TAOK1: variants seen among roughly 807,000 people sequenced by gnomAD.
TAOK1 encodes serine/threonine-protein kinase TAO1.
Under a neutral mutation model 138.3 loss-of-function variants are expected in TAOK1, and 21 were observed. The ratio of observed to expected loss-of-function variants is 0.15; its 90% CI spans 0.11 to 0.22. The LOEUF is 0.22. Ranked by LOEUF, TAOK1 falls within the 10% of genes least tolerant of loss-of-function variation. The pLI is 1.00. For missense variants in TAOK1, 651 were observed against 1,227.7 expected, an observed-to-expected ratio of 0.53 and a Z score of 7.02; for synonymous variants, 361 against 398.4, an observed-to-expected ratio of 0.91 and a Z score of 1.12.
At chr17:29,485,337 A>G (rs1039252426) in intron 8 of TAOK1, among the ~76,000 whole-genome samples, 3 of 152,210 alleles carry the variant, frequency 2.0e-5, no homozygotes, top group Non-Finnish European at 4.4e-5. Context: ...AAAATAAATT[A>G]TTCATAGTTC....
chr17:29,502,658 G>A lies in TAOK1; in HGVS notation c.1273G>A (p.Val425Ile), dbSNP rs1051542843. The change falls in exon 13 of 20, where the codon GTA becomes ATA. Residue 425 changes from valine to isoleucine, a missense_variant. Physicochemically the swap from Val to Ile is conservative, Grantham distance 29 (BLOSUM62 3). Transcript: ENST00000261716. ...RASDPQSPPQVSRHKSHYRNR... is the reference protein window; with the variant it reads ...RASDPQSPPQISRHKSHYRNR... ...ATCAGATCCACAATCTCCACCCCAA[G>A]TATCTCGTCACAAATCACACTATCG... is the stretch of plus-strand genomic sequence containing the variant. The A allele has an allele frequency of 2.5e-6, 4 of 1,613,532 alleles. No individual in the cohort carries two copies. The African/African-American group carries it at 5.3e-5, about 22-fold the overall frequency.
intron 2 of TAOK1, among the ~76,000 whole-genome samples, chr17:29,453,500 C>T (rs926926019): frequency 6.6e-6 from 1 of 152,112 alleles, no homozygotes; most frequent in African/African-American, 2.4e-5. Flanking sequence ...ATCCTCTTGC[C>T]TTAGCCTCCT....
chr17:29,475,885 A>C, intron 4 of TAOK1, 114 bp downstream of exon 4: 1 of 758,746 alleles, frequency 1.3e-6, no homozygotes, highest in East Asian at 2.7e-5. Context: ...CTGAAATGTT[A>C]GTTCGTACTG....
chr17:29,463,391 G>A (rs1277677660), intron 2 of TAOK1, among the ~76,000 whole-genome samples: 6 of 152,004 alleles, frequency 3.9e-5, no homozygotes, highest in East Asian at 1.9e-4. Context: ...CCAACGTGGC[G>A]AAACCCCATC....
rs201799703 is a variant in TAOK1, at chr17:29,508,714, GTAAT to G, written c.1575+583_1575+586del. Among the ~76,000 whole-genome samples, 677 of 152,192 alleles carry G rather than the reference GTAAT, an allele frequency of 4.4e-3. 1 individual carries two copies. Among genetic ancestry groups the G allele is most frequent in the African/African-American group, 0.015 (619 of 41,532 alleles). ...AATATCAGAATGATTTAAGATTACT[GTAAT>G]AAATACAGATAATGTTGAAGATTAT... On this transcript the variant is annotated intron_variant, in intron 14 of 19. Coordinates refer to ENST00000261716, the MANE Select transcript of TAOK1 (RefSeq NM_020791.4).
chr17:29,486,477 G>A (rs193010603), intron 8 of TAOK1, among the ~76,000 whole-genome samples: 216 of 151,892 alleles, frequency 1.4e-3, no homozygotes, highest in African/African-American at 4.0e-3. Context: ...TACTAAAACC[G>A]CAAAAATTAG....
At chr17:29,447,683 G>A (rs529851938) in intron 1 of TAOK1, among the ~76,000 whole-genome samples, 1 of 150,084 alleles carries the variant, frequency 6.7e-6, no homozygotes. Flanking sequence ...TTGAGACAGA[G>A]TGTCGCTATG....
In TAOK1 at chr17:29,471,156, T is replaced by TAA. The variant is rs1038754146; in HGVS notation, c.204+3945_204+3946dup. Reference sequence around the variant, plus strand: ...CTGGACAACAACACAAGACTTCATCTAAAAAATATATATATATATATGTCC... The same window carrying TAA: ...CTGGACAACAACACAAGACTTCATCTAAAAAAAATATATATATATATATGTCC... On this transcript the variant is annotated intron_variant, in intron 3 of 19. Transcript: ENST00000261716. 8.2e-4 allele frequency among the ~76,000 whole-genome samples: 79 copies of TAA among 96,636 alleles called. No individual in the cohort carries two copies. In the East Asian group the frequency reaches 0.023, roughly 29 times the overall value. The allele number at this position is 96,636 out of a possible 152,430, so 63.4% of individuals were successfully genotyped here. A position where few individuals can be genotyped will look rare whatever the true frequency, so the allele number is the denominator to read the frequency against.
intron 15 of TAOK1, 121 bp from the exon 16 acceptor site, chr17:29,517,332 C>G (rs1237221210): frequency 4.6e-6 from 4 of 862,652 alleles, no homozygotes; most frequent in Non-Finnish European, 3.6e-6. Context: ...GTTGGCCAGG[C>G]TAGTCTCAAA....
intron 1 of TAOK1, among the ~76,000 whole-genome samples, chr17:29,405,475 G>C (rs1449635166): frequency 6.6e-6 from 1 of 152,180 alleles, no homozygotes; most frequent in Non-Finnish European, 1.5e-5. Flanking sequence ...GATGGAATTT[G>C]CTTTTAAAGA....
rs565686111 is a variant in TAOK1 at position 29,544,053 on chromosome 17, A to G, written c.*1031A>G. 6.5e-6 allele frequency: 1 copy of G among 152,810 alleles called. No homozygotes were observed. The highest frequency in any genetic ancestry group is 2.4e-5 in the African/African-American group (1 of 41,594). 9.5% of individuals were successfully genotyped at this position (152,810 alleles called of 1,614,324 possible). A position where few individuals can be genotyped will look rare whatever the true frequency, so the allele number is the denominator to read the frequency against. On this transcript the variant is annotated 3_prime_UTR_variant, in exon 20 of 20. Transcript: ENST00000261716. ...ACTTTGTTTGTACAAAAACAAAGAC[A>G]TATAGCCAATACAAATCAAATGCCG...
At chr17:29,485,102 T>G (rs2031142487) in intron 8 of TAOK1, among the ~76,000 whole-genome samples, 1 of 152,226 alleles carries the variant, frequency 6.6e-6, no homozygotes, top group Non-Finnish European at 1.5e-5. Context: ...TCACAAAGGT[T>G]GAAATTACTT....
chr17:29,424,436 C>CA (rs781589064), intron 1 of TAOK1, among the ~76,000 whole-genome samples: 17,597 of 71,732 alleles, frequency 0.25, 2,091 homozygotes, highest in East Asian at 0.61. Context: ...GACTCCCTCT[C>CA]AAAAAAAAAA....
chr17:29,483,399 C>T (rs1350267318), intron 8 of TAOK1, among the ~76,000 whole-genome samples: 1 of 151,968 alleles, frequency 6.6e-6, no homozygotes, highest in African/African-American at 2.4e-5. Context: ...AAAGGAGTGA[C>T]TAAGGATGGA....
intron 1 of TAOK1, among the ~76,000 whole-genome samples, chr17:29,440,582 T>C (rs1227040356): frequency 6.6e-6 from 1 of 152,128 alleles, no homozygotes; most frequent in African/African-American, 2.4e-5. Context: ...TACTTTTTTT[T>C]TTTTTTCTTT....
intron 9 of TAOK1, among the ~76,000 whole-genome samples, chr17:29,490,042 C>T (rs1175092146): frequency 6.6e-6 from 1 of 151,682 alleles, no homozygotes; most frequent in Non-Finnish European, 1.5e-5. Flanking sequence ...TTTAGGAATA[C>T]CTAATCCTAA....
intron 1 of TAOK1, among the ~76,000 whole-genome samples, chr17:29,436,397 A>G (rs988082468): frequency 1.3e-5 from 2 of 152,214 alleles, no homozygotes; most frequent in African/African-American, 4.8e-5. Context: ...AGTTCAGTCC[A>G]TTTAGTTAAC....
chr17:29,424,925 T>C (rs1905585848), intron 1 of TAOK1: 1 of 152,220 alleles, frequency 6.6e-6, no homozygotes, highest in African/African-American at 2.4e-5. Context: ...TTTTTCATTA[T>C]AGATTATATA....
chr17:29,532,415 A>G (rs1334123894), intron 18 of TAOK1, among the ~76,000 whole-genome samples: 6 of 148,726 alleles, frequency 4.0e-5, no homozygotes, highest in Non-Finnish European at 4.4e-5. Context: ...GCAGGGTCAT[A>G]GGACAATAGT....
Sources: allele counts gnomAD v4.1 joint callset (sites outside exome capture counted in the v4.1 genomes callset), GRCh38; gene constraint gnomAD v4.1.1; transcripts MANE v1.5; gene names NCBI Gene and HGNC (gene_info 2026-07-23, HGNC 2026-07-21).